Variants in FAM227A observed in about 807,000 individuals in gnomAD.
FAM227A encodes the protein protein FAM227A.
FAM227A carries 80 observed loss-of-function variants against 74.7 expected under a neutral mutation model. That is an observed-to-expected ratio of 1.07 (90% CI 0.89 to 1.29). The LOEUF is 1.29. FAM227A is among the 50% of genes most tolerant of loss of function. The probability of loss-of-function intolerance (pLI) is 0.00; values close to 1 mark genes in which losing one functional copy is unlikely to be tolerated. For missense variants in FAM227A, 654 were observed against 683.4 expected (o/e 0.96, Z 0.48); for synonymous variants, 237 against 241.8 (o/e 0.98, Z 0.19).
intron 15 of FAM227A, among the ~76,000 whole-genome samples, chr22:38,591,825 G>A (rs1400480222): frequency 6.6e-6 from 1 of 152,094 alleles, no homozygotes; most frequent in African/African-American, 2.4e-5. Context: ...ACTTCCTTAA[G>A]AGCAACCCTG....
At chr22:38,593,894 G>A (rs2090991181) in intron 15 of FAM227A, among the ~76,000 whole-genome samples, 1 of 151,958 alleles carries the variant, frequency 6.6e-6, no homozygotes, top group African/African-American at 2.4e-5. Context: ...GTTTCACCAT[G>A]TTGGCCCGGC....
intron 10 of FAM227A, among the ~76,000 whole-genome samples, chr22:38,621,770 G>A (rs180966323): frequency 6.6e-6 from 1 of 152,278 alleles, no homozygotes; most frequent in East Asian, 1.9e-4. Context: ...CTGATCAACT[G>A]CAGAGTCGGA....
intron 11 of FAM227A, among the ~76,000 whole-genome samples, chr22:38,618,941 T>C (rs542862600): frequency 5.4e-4 from 81 of 149,614 alleles, no homozygotes; most frequent in African/African-American, 2.0e-3. Context: ...TGCTAAACCC[T>C]GCCCTGGGAT....
intron 15 of FAM227A, among the ~76,000 whole-genome samples, chr22:38,596,024 T>C (rs1040714475): frequency 4.7e-4 from 72 of 151,658 alleles, no homozygotes; most frequent in African/African-American, 1.7e-3. Context: ...GAGATAAAAC[T>C]AAATACAATT....
chr22:38,636,512 AC>A lies in FAM227A; in HGVS notation c.457del (p.Val153TrpfsTer29). ...GTTGCCCACCATGTCACAGAAGTCC[AC>A]GCCATTCGGAAGCTTGTTTGGCTTG... ...SSKPNKLPNG[V>X]DFCDMVGNVV... is the part of the protein sequence containing the mutation. On this transcript the variant is annotated frameshift_variant, in exon 6 of 17. Transcript: ENST00000535113. LOFTEE classifies it high-confidence loss of function. 1 of 1,551,704 alleles carries A rather than the reference AC, an allele frequency of 6.4e-7. No homozygotes were observed. Among genetic ancestry groups the A allele is most frequent in the Non-Finnish European group, 8.7e-7 (1 of 1,146,994 alleles).
intron 13 of FAM227A, among the ~76,000 whole-genome samples, chr22:38,600,462 T>G (rs1214905715): frequency 6.6e-6 from 1 of 151,674 alleles, no homozygotes; most frequent in Admixed American, 6.6e-5. Flanking sequence ...GCCTCCCGAG[T>G]AGCTGGGATT....
At chr22:38,615,149 C>T (rs912251675) in intron 11 of FAM227A, among the ~76,000 whole-genome samples, 2 of 152,140 alleles carry the variant, frequency 1.3e-5, no homozygotes, top group African/African-American at 2.4e-5. Context: ...TCAGCCTCCC[C>T]GTAGCTGGGA....
At chr22:38,595,806 A>C (rs2091029870) in intron 15 of FAM227A, among the ~76,000 whole-genome samples, 1 of 152,244 alleles carries the variant, frequency 6.6e-6, no homozygotes, top group South Asian at 2.1e-4. Context: ...AAAATGATTT[A>C]ACTTGAATCT....
At chr22:38,634,926 A>G (rs2091974460) in intron 6 of FAM227A, among the ~76,000 whole-genome samples, 1 of 152,110 alleles carries the variant, frequency 6.6e-6, no homozygotes, top group South Asian at 2.1e-4. Flanking sequence ...TAGCCCAGAG[A>G]GAAGGCAGCA....
chr22:38,626,891 A>AAAATATATAT (rs1555966996), intron 8 of FAM227A, among the ~76,000 whole-genome samples: 1 of 57,690 alleles, frequency 1.7e-5, no homozygotes, highest in Non-Finnish European at 2.9e-5. Context: ...AAAAAAAAAA[A>AAAATATATAT]ATATATATAT....
At chr22:38,646,416 C>G (rs550346712) in intron 2 of FAM227A, among the ~76,000 whole-genome samples, 1 of 135,630 alleles carries the variant, frequency 7.4e-6, no homozygotes, top group African/African-American at 2.7e-5. Flanking sequence ...CCCGCCACTA[C>G]GCCCGGCTAA....
chr22:38,610,887 C>A (rs1018431829), intron 11 of FAM227A, among the ~76,000 whole-genome samples: 1 of 152,126 alleles, frequency 6.6e-6, no homozygotes, highest in African/African-American at 2.4e-5. Flanking sequence ...TGGTGAAACC[C>A]TGTCTCTACT....
intron 15 of FAM227A, among the ~76,000 whole-genome samples, chr22:38,594,937 A>T (rs779494508): frequency 1.4e-4 from 21 of 152,082 alleles, no homozygotes; most frequent in Non-Finnish European, 2.9e-4. Flanking sequence ...TCTCTACTAA[A>T]AATACAAAAA....
chr22:38,616,196 A>T (rs2091571727), intron 11 of FAM227A, among the ~76,000 whole-genome samples: 1 of 152,256 alleles, frequency 6.6e-6, no homozygotes, highest in African/African-American at 2.4e-5. Context: ...AGAAGCCAAG[A>T]GAACAAAGCG....
intron 2 of FAM227A, among the ~76,000 whole-genome samples, chr22:38,645,876 C>T (rs1003655729): frequency 1.3e-5 from 2 of 152,092 alleles, no homozygotes; most frequent in African/African-American, 2.4e-5. Context: ...GCAGACCTCC[C>T]GGGCTCAATC....
chr22:38,588,160 T>C (rs537721448), intron 16 of FAM227A, among the ~76,000 whole-genome samples: 1 of 152,138 alleles, frequency 6.6e-6, no homozygotes, highest in African/African-American at 2.4e-5. Flanking sequence ...ACAAAATGCC[T>C]CCTTTCATGG....
intron 16 of FAM227A, among the ~76,000 whole-genome samples, chr22:38,589,826 G>T (rs1345556276): frequency 3.3e-5 from 5 of 152,098 alleles, no homozygotes; most frequent in African/African-American, 1.2e-4. Context: ...CAAGAACAAA[G>T]ACATTTTTTC....
At chr22:38,600,196 T>C (rs2091141723) in intron 13 of FAM227A, among the ~76,000 whole-genome samples, 1 of 152,066 alleles carries the variant, frequency 6.6e-6, no homozygotes, top group Admixed American at 6.6e-5. Flanking sequence ...ATGTCACTAT[T>C]AAAATGTTTA....
chr22:38,630,173 A>C (rs1323959739), intron 6 of FAM227A, among the ~76,000 whole-genome samples: 1 of 152,196 alleles, frequency 6.6e-6, no homozygotes, highest in Non-Finnish European at 1.5e-5. Flanking sequence ...GCACTCACAC[A>C]CAGGTGCCTC....
Sources: gnomAD v4.1 joint callset for allele counts (sites outside exome capture counted in the v4.1 genomes callset) on GRCh38, gnomAD v4.1.1 for gene constraint, MANE v1.5 for transcripts, NCBI Gene and HGNC (gene_info 2026-07-23, HGNC 2026-07-21) for gene names.